The following CDC42BPA variants were observed in gnomAD, a reference collection of about 807,000 sequenced individuals.
The protein encoded by CDC42BPA is serine/threonine-protein kinase MRCK alpha.
CDC42BPA carries 80 observed loss-of-function variants against 223.5 expected under a neutral mutation model. The observed-to-expected ratio is 0.36, with a 90% confidence interval of 0.30 to 0.43. CDC42BPA has a LOEUF of 0.43. CDC42BPA is among the 20% of genes least tolerant of loss of function. The pLI, the probability that CDC42BPA is intolerant of heterozygous loss-of-function variation, is 1.00. For synonymous variants in CDC42BPA, 694 were observed against 718.6 expected (o/e 0.97, Z 0.55); for missense variants, 1,743 against 2,099.9 (o/e 0.83, Z 3.32).
chr1:227,242,414 C>G (rs1680179789), intron 2 of CDC42BPA, among the ~76,000 whole-genome samples: 1 of 151,362 alleles, frequency 6.6e-6, no homozygotes, highest in Non-Finnish European at 1.5e-5. Flanking sequence ...TTCTCTATTA[C>G]AATAATAGAG....
At chr1:227,111,940 C>T (rs959257753) in intron 14 of CDC42BPA, 53 of 163,370 alleles carry the variant, frequency 3.2e-4, no homozygotes, top group African/African-American at 7.8e-4. Context: ...TCATCTTATC[C>T]TAACAGACAC....
In CDC42BPA at chr1:227,060,032, T is replaced by TTG. The variant is rs1553318011; in HGVS notation, c.2905-8048_2905-8047insCA. Among the ~76,000 whole-genome samples, 9 of 132,680 alleles carry TTG rather than the reference T, an allele frequency of 6.8e-5. No individual in the cohort carries two copies. In the South Asian group the frequency reaches 7.6e-4, roughly 11 times the overall value. The allele number at this position is 132,680 out of a possible 152,430, so 87.0% of individuals were successfully genotyped here. On this transcript the variant is annotated intron_variant, in intron 21 of 36. Transcript: ENST00000366766. ...ATTATCTCAAAAAGTTTTTTTTTGTTTTTTTTTTTTTTTTTTGAGACGGGA... is the reference window on the plus strand; with the variant it reads ...ATTATCTCAAAAAGTTTTTTTTTGTTTGTTTTTTTTTTTTTTTTGAGACGGGA...
chr1:227,006,948 CTCA>C (rs1299159229), intron 34 of CDC42BPA, among the ~76,000 whole-genome samples: 2 of 101,334 alleles, frequency 2.0e-5, no homozygotes, highest in Non-Finnish European at 4.1e-5. Flanking sequence ...GAGACTCCGT[CTCA>C]ACAACAACAA....
At chr1:227,036,379 T>C (rs1223643679) in intron 24 of CDC42BPA, among the ~76,000 whole-genome samples, 1 of 151,582 alleles carries the variant, frequency 6.6e-6, no homozygotes, top group Non-Finnish European at 1.5e-5. Context: ...TCCTGAGTAG[T>C]TGGGACTATA....
rs532891873 is a variant in CDC42BPA at position 226,994,915 on chromosome 1, G to A, written c.5041C>T (p.Arg1681Trp). Residue 1681 changes from arginine to tryptophan, a missense_variant, in exon 36 of 37, where the codon CGG becomes TGG. Transcript: ENST00000366766. This position sits in a 1 kb window ranked among gnomAD's most constrained non-coding sequence, Gnocchi z 4.0. ...EFSGGSYSAKRQPMPSPSEGS... is the reference protein window; with the variant it reads ...EFSGGSYSAKWQPMPSPSEGS... ...TCTGACGGGGAGGGCATGGGCTGCC[G>A]CTTGGCACTGTAGCTTCCTCCAGAG... 8.8e-5 allele frequency: 142 copies of A among 1,614,058 alleles called. 2 individuals carry two copies. The South Asian group carries it at 1.4e-3, about 16-fold the overall frequency.
rs374987397 is a variant in CDC42BPA at position 227,145,477 on chromosome 1, T to C, written c.1143+12A>G. On this transcript the variant is annotated intron_variant, in intron 8 of 36. Coordinates refer to ENST00000366766, the MANE Select transcript of CDC42BPA (RefSeq NM_001394014.1). ...ACAGAGGGACAGAACTTCTTCACAG[T>C]GTCATACTTACAGAATTTTTTAAAC... 75 of 1,609,446 alleles carry C rather than the reference T, an allele frequency of 4.7e-5. No individual in the cohort carries two copies. The highest frequency in any genetic ancestry group is 6.3e-5 in the Non-Finnish European group (74 of 1,177,294).
chr1:227,208,251 T>G (rs1369075620), intron 3 of CDC42BPA, among the ~76,000 whole-genome samples: 4 of 151,622 alleles, frequency 2.6e-5, no homozygotes, highest in African/African-American at 9.7e-5. Flanking sequence ...CATTGTAGAT[T>G]CTGGATATTA....
intron 4 of CDC42BPA, among the ~76,000 whole-genome samples, chr1:227,198,075 GA>G (rs1472487319): frequency 1.3e-5 from 2 of 152,018 alleles, no homozygotes; most frequent in Non-Finnish European, 2.9e-5. Context: ...TATTATAAAA[GA>G]AATGTGTCAT....
chr1:227,148,092 C>A (rs1661017532), intron 6 of CDC42BPA, among the ~76,000 whole-genome samples: 2 of 152,088 alleles, frequency 1.3e-5, no homozygotes, highest in Admixed American at 1.3e-4. Flanking sequence ...GTATATCCTT[C>A]AAAATCTAAA....
chr1:227,068,114 T>C (rs1677490623), intron 21 of CDC42BPA, among the ~76,000 whole-genome samples: 1 of 151,878 alleles, frequency 6.6e-6, no homozygotes, highest in Non-Finnish European at 1.5e-5. Context: ...ACTTTGCACA[T>C]TAGAAGAGAA....
intron 2 of CDC42BPA, among the ~76,000 whole-genome samples, chr1:227,247,330 T>TA (rs906146290): frequency 6.0e-5 from 9 of 149,298 alleles, no homozygotes; most frequent in African/African-American, 2.2e-4. Flanking sequence ...TCTCTATTTT[T>TA]AAAAAAATAC....
chr1:227,131,933 T>C (rs1159941592), intron 10 of CDC42BPA, among the ~76,000 whole-genome samples: 1 of 152,192 alleles, frequency 6.6e-6, no homozygotes, highest in Non-Finnish European at 1.5e-5. Context: ...GGTGGTACCA[T>C]CACCTTATGT....
intron 4 of CDC42BPA, among the ~76,000 whole-genome samples, chr1:227,198,438 C>CA (rs1176604134): frequency 0.01 from 529 of 51,578 alleles, 17 homozygotes; most frequent in African/African-American, 0.028. Context: ...ATCCAGCAAA[C>CA]AAAAAAAAAA....
intron 1 of CDC42BPA, among the ~76,000 whole-genome samples, chr1:227,308,524 A>AC (rs1283049083): frequency 2.0e-5 from 3 of 151,632 alleles, no homozygotes; most frequent in African/African-American, 7.2e-5. Flanking sequence ...AAAAAAAAAA[A>AC]AAAACAGAAT....
At chr1:227,170,333 A>G (rs1665874089) in intron 5 of CDC42BPA, among the ~76,000 whole-genome samples, 1 of 151,978 alleles carries the variant, frequency 6.6e-6, no homozygotes, top group Admixed American at 6.6e-5. Flanking sequence ...TTGGCTAGCT[A>G]TGTGTGTGAG....
At chr1:227,007,014 G>T (rs1218083237) in intron 34 of CDC42BPA, among the ~76,000 whole-genome samples, 2 of 152,116 alleles carry the variant, frequency 1.3e-5, no homozygotes, top group Non-Finnish European at 2.9e-5. Context: ...TCTGCTTGGT[G>T]GTGGGGGGAT....
intron 6 of CDC42BPA, among the ~76,000 whole-genome samples, chr1:227,148,610 C>A (rs1661109897): frequency 1.3e-5 from 2 of 150,990 alleles, no homozygotes; most frequent in Admixed American, 1.3e-4. Flanking sequence ...ACTAAAAACA[C>A]AAAAAAATTA....
At chr1:227,017,362 A>C (rs1009614072) in intron 32 of CDC42BPA, among the ~76,000 whole-genome samples, 2 of 152,180 alleles carry the variant, frequency 1.3e-5, no homozygotes, top group African/African-American at 4.8e-5. Context: ...ACCCCACCCC[A>C]GTATCTCAAT....
In CDC42BPA at chr1:227,086,865, G is replaced by T. The variant is rs890435532; in HGVS notation, c.2355+5021C>A. On this transcript the variant is annotated intron_variant, in intron 16 of 36. Transcript: ENST00000366766. ...AAAAAAGATTTTGTGTAGAGATAAG[G>T]TCTCACCATATTTCCCAGATTGGTT... Among the ~76,000 whole-genome samples, 5 of 151,644 alleles carry T rather than the reference G, an allele frequency of 3.3e-5. No individual in the cohort carries two copies. The South Asian group carries it at 1.0e-3, about 32-fold the overall frequency.
Sources: gnomAD v4.1 joint callset for allele counts (sites outside exome capture counted in the v4.1 genomes callset) on GRCh38, gnomAD v4.1.1 for gene constraint, Gnocchi (gnomAD v3.1) non-coding constraint, MANE v1.5 for transcripts, NCBI Gene and HGNC (gene_info 2026-07-23, HGNC 2026-07-21) for gene names.